The following ADGB variants were observed in gnomAD, a reference collection of about 807,000 sequenced individuals.
ADGB encodes the protein calpain-7-like protein.
ADGB carries 172 observed loss-of-function variants against 210.5 expected under a neutral mutation model. That is an observed-to-expected ratio of 0.82 (90% CI 0.72 to 0.93). The LOEUF (loss-of-function observed/expected upper bound fraction) is 0.93, where lower values mean the gene tolerates loss of function less well. Among genes scored for constraint, ADGB ranks in the 40% least tolerant of loss-of-function variants. ADGB has a pLI of 0.00. For missense variants in ADGB, 2,025 were observed against 1,964.8 expected, an observed-to-expected ratio of 1.03 and a Z score of -0.58; for synonymous variants, 658 against 662.7, an observed-to-expected ratio of 0.99 and a Z score of 0.11.
At chr6:146,755,486 C>CCTT (rs1777394138) in intron 27 of ADGB, among the ~76,000 whole-genome samples, 1 of 152,100 alleles carries the variant, frequency 6.6e-6, no homozygotes. Flanking sequence ...TCCCCCTTCA[C>CCTT]TCTGCACTTC....
chr6:146,737,207 AG>A (rs938275061), intron 23 of ADGB, among the ~76,000 whole-genome samples: 7 of 152,186 alleles, frequency 4.6e-5, no homozygotes, highest in Admixed American at 2.6e-4. Context: ...ATAATAAAAA[AG>A]AGAAAATAGA....
rs919322587 is a variant in ADGB, at chr6:146,802,745, A to G, written c.4818+734A>G. On this transcript the variant is annotated intron_variant, in intron 35 of 35. Coordinates refer to ENST00000397944, the MANE Select transcript of ADGB (RefSeq NM_024694.4). ...ACGAGACTTTTTTTGTAAATTACAC[A>G]GTTCAGGGATGTTTTGAAAAACCAA... The G allele has an allele frequency of 2.3e-5, 35 of 1,517,568 alleles. No homozygotes were observed. The African/African-American group carries it at 4.3e-4, about 19-fold the overall frequency. 94.0% of individuals were successfully genotyped at this position (1,517,568 alleles called of 1,614,324 possible).
At chr6:146,686,275 T>C (rs1247705999) in intron 10 of ADGB, among the ~76,000 whole-genome samples, 1 of 152,022 alleles carries the variant, frequency 6.6e-6, no homozygotes, top group Non-Finnish European at 1.5e-5. Context: ...CTTTCTTGTA[T>C]CACAAAATAA....
At chr6:146,658,230 C>T (rs549015285) in intron 5 of ADGB, among the ~76,000 whole-genome samples, 1 of 152,200 alleles carries the variant, frequency 6.6e-6, no homozygotes, top group South Asian at 2.1e-4. Context: ...TAAACATCCA[C>T]AGCAAGACAA....
At chr6:146,622,131 T>A (rs184622101) in intron 1 of ADGB, among the ~76,000 whole-genome samples, 42 of 152,310 alleles carry the variant, frequency 2.8e-4, no homozygotes, top group African/African-American at 9.6e-4. Flanking sequence ...ATTTCCCTAA[T>A]GACTACTGAT....
chr6:146,782,979 C>T (rs560122911), intron 30 of ADGB, among the ~76,000 whole-genome samples: 1 of 152,250 alleles, frequency 6.6e-6, no homozygotes, highest in South Asian at 2.1e-4. Flanking sequence ...AGCACATTAA[C>T]ATGATCAGAT....
Position 146,746,076 on chromosome 6 carries a change from A to T in ADGB, c.3332A>T (p.Tyr1111Phe). The stretch of plus-strand genomic sequence containing the variant: ...TTTGCCATAAAGGAAATCCGAGATT[A>T]CTACATACCCAATGATAAGAAAATT... ...NSFAIKEIRD[Y>F]YIPNDKKILF... The change falls in exon 26 of 36, where the codon TAC becomes TTC. Residue 1111 changes from tyrosine to phenylalanine, a missense_variant. Transcript: ENST00000397944. The T allele has an allele frequency of 6.5e-7, 1 of 1,548,632 alleles. No homozygotes were observed. Among genetic ancestry groups the T allele is most frequent in the Non-Finnish European group, 8.7e-7 (1 of 1,145,066 alleles).
chr6:146,663,186 TATA>T (rs1410414168), intron 5 of ADGB, among the ~76,000 whole-genome samples: 5 of 143,464 alleles, frequency 3.5e-5, no homozygotes, highest in African/African-American at 5.1e-5. Context: ...ATATATTATA[TATA>T]ATAATATTAA....
At chr6:146,813,279 T>C (rs1178913595) in intron 35 of ADGB, among the ~76,000 whole-genome samples, 2 of 152,166 alleles carry the variant, frequency 1.3e-5, no homozygotes, top group Admixed American at 1.3e-4. Flanking sequence ...CAGAGTGTTC[T>C]CTTACTTTAA....
intron 32 of ADGB, among the ~76,000 whole-genome samples, chr6:146,787,075 A>T (rs1295927180): frequency 1.3e-5 from 2 of 152,134 alleles, no homozygotes; most frequent in Non-Finnish European, 2.9e-5. Context: ...GTGGGGAAGG[A>T]TTCTGGATAA....
At chr6:146,709,436 G>A (rs537395240) in intron 13 of ADGB, among the ~76,000 whole-genome samples, 22 of 152,306 alleles carry the variant, frequency 1.4e-4, no homozygotes, top group African/African-American at 4.1e-4. Context: ...GTTTGTTACT[G>A]TACTCCTTGA....
intron 28 of ADGB, among the ~76,000 whole-genome samples, chr6:146,767,855 GC>G (rs1777599441): frequency 6.6e-6 from 1 of 152,132 alleles, no homozygotes; most frequent in African/African-American, 2.4e-5. Flanking sequence ...AACCCAGACA[GC>G]TCTAGCTCAT....
intron 2 of ADGB, among the ~76,000 whole-genome samples, chr6:146,637,660 G>C (rs1775444739): frequency 6.6e-6 from 1 of 151,958 alleles, no homozygotes; most frequent in Non-Finnish European, 1.5e-5. Flanking sequence ...AGTGTTGACT[G>C]AGTCAGGTAC....
Position 146,676,294 on chromosome 6 carries a change from T to C in ADGB, c.1088-19T>C, listed in dbSNP as rs976466995. The C allele has an allele frequency of 1.0e-5, 16 of 1,530,600 alleles. No individual in the cohort carries two copies. In the African/African-American group the frequency reaches 2.0e-4, roughly 19 times the overall value. 94.8% of individuals were successfully genotyped at this position (1,530,600 alleles called of 1,614,324 possible). On this transcript the variant is annotated intron_variant, in intron 8 of 35. Transcript: ENST00000397944. Reference sequence around the variant, plus strand: ...GATTGTCTAGTTAAAATATTTATTGTGATTTTTTCATATGTTAGAGAAAGC... The same window carrying C: ...GATTGTCTAGTTAAAATATTTATTGCGATTTTTTCATATGTTAGAGAAAGC...
chr6:146,764,035 C>G lies in ADGB; in HGVS notation c.3685C>G (p.Pro1229Ala). 6.4e-7 allele frequency: 1 copy of G among 1,551,420 alleles called. No individual in the cohort carries two copies. Among genetic ancestry groups the G allele is most frequent in the Admixed American group, 2.0e-5 (1 of 50,984 alleles). ...AAGTGCAATACAAGACATTGGTCTA[C>G]CCCTTGTGGAGGAGGAAACTACCAG... ...AVSAIQDIGL[P>A]LVEEETTSTP... Residue 1229 changes from proline (P) to alanine (A), a missense_variant, in exon 28 of 36, where the codon CCC becomes GCC. Physicochemically the swap from Pro to Ala is conservative, Grantham distance 27 (BLOSUM62 -1). Transcript: ENST00000397944.
Position 146,705,178 on chromosome 6 carries a change from C to T in ADGB, c.1707+4108C>T, listed in dbSNP as rs1583598187. On this transcript the variant is annotated intron_variant, in intron 13 of 35. Transcript: ENST00000397944. ...TATTGAGTTTATATATTAGATCTAA[C>T]AGGATTTTTAATGGGGTTTTAAGGG... Among the ~76,000 whole-genome samples the T allele has an allele frequency of 2.6e-5, 4 of 152,060 alleles. No individual in the cohort carries two copies. The South Asian group carries it at 8.3e-4, about 32-fold the overall frequency.
Position 146,740,514 on chromosome 6 carries a change from G to T in ADGB, c.2944G>T (p.Glu982Ter). The T allele has an allele frequency of 6.5e-7, 1 of 1,549,580 alleles. No homozygotes were observed. The highest frequency in any genetic ancestry group is 1.2e-5 in the South Asian group (1 of 83,904). The change falls in exon 24 of 36, where the codon GAA becomes TAA. Residue 982 changes from glutamate to a stop codon, truncating the protein, a stop_gained. Transcript: ENST00000397944. LOFTEE classifies it high-confidence loss of function. ...SLESYPCYQDEETKIAFADYT... is the reference protein window; with the variant it reads ...SLESYPCYQD Reference sequence around the variant, plus strand: ...GGAATCTTATCCATGCTATCAAGATGAAGAAACTAAGATTGCTTTTGCAGA... The same window carrying T: ...GGAATCTTATCCATGCTATCAAGATTAAGAAACTAAGATTGCTTTTGCAGA...
chr6:146,771,908 G>A (rs1777657883), intron 29 of ADGB, among the ~76,000 whole-genome samples: 1 of 152,184 alleles, frequency 6.6e-6, no homozygotes, highest in Admixed American at 6.5e-5. Context: ...ATGGATCAGA[G>A]AATGACAGCC....
In ADGB at chr6:146,801,297, T is replaced by C; in HGVS notation, c.4634+18T>C. 2 of 1,337,980 alleles carry C rather than the reference T, an allele frequency of 1.5e-6. No homozygotes were observed. The highest frequency in any genetic ancestry group is 2.8e-5 in the East Asian group (1 of 35,804). The allele number at this position is 1,337,980 out of a possible 1,614,324, so 82.9% of individuals were successfully genotyped here. A position where few individuals can be genotyped will look rare whatever the true frequency, so the allele number is the denominator to read the frequency against. ...TATGTTCGGTAAGTTTTCATAAACA[T>C]GATTGATGCAGACAACTGTGTGTTT... On this transcript the variant is annotated intron_variant, in intron 34 of 35. Transcript: ENST00000397944.
Sources: gnomAD v4.1 joint callset for allele counts (sites outside exome capture counted in the v4.1 genomes callset) on GRCh38, gnomAD v4.1.1 for gene constraint, MANE v1.5 for transcripts, NCBI Gene and HGNC (gene_info 2026-07-23, HGNC 2026-07-21) for gene names.